CELF4: variants seen among roughly 807,000 people sequenced by gnomAD.
The protein encoded by CELF4 is CUGBP Elav-like family member 4, also known as CUG-BP- and ETR-3-like factor 4.
CELF4 carries 18 observed loss-of-function variants against 59.9 expected under a neutral mutation model. The observed-to-expected ratio is 0.30, with a 90% CI of 0.21 to 0.45. The LOEUF (loss-of-function observed/expected upper bound fraction) is 0.45, where lower values mean the gene tolerates loss of function less well. Among genes scored for constraint, CELF4 ranks in the 20% least tolerant of loss-of-function variants. The pLI is 1.00. For missense variants in CELF4, 456 were observed against 689.0 expected (o/e 0.66, Z 3.79); for synonymous variants, 261 against 267.1 (o/e 0.98, Z 0.22).
chr18:37,463,252 G>A (rs1245476643), intron 2 of CELF4, among the ~76,000 whole-genome samples: 1 of 152,152 alleles, frequency 6.6e-6, no homozygotes, highest in Admixed American at 6.5e-5. Flanking sequence ...TTGTGTGACT[G>A]AGCCTCACAT....
chr18:37,452,939 C>G (rs556428464), intron 2 of CELF4, among the ~76,000 whole-genome samples: 1 of 152,164 alleles, frequency 6.6e-6, no homozygotes, highest in Non-Finnish European at 1.5e-5. Context: ...GGGCTGGTAC[C>G]TCACTGCTCC....
intron 2 of CELF4, among the ~76,000 whole-genome samples, chr18:37,402,879 A>G (rs2099346886): frequency 6.6e-6 from 1 of 152,038 alleles, no homozygotes; most frequent in Non-Finnish European, 1.5e-5. Context: ...TCTTCTGAGG[A>G]GCCTTCCCTG....
intron 1 of CELF4, among the ~76,000 whole-genome samples, chr18:37,530,083 T>C (rs376643519): frequency 6.6e-6 from 1 of 152,150 alleles, no homozygotes; most frequent in East Asian, 1.9e-4. Context: ...ACCCACGCCA[T>C]CCTGCAGAGA....
At chr18:37,494,158 T>C (rs74653921) in intron 1 of CELF4, among the ~76,000 whole-genome samples, 5,822 of 152,326 alleles carry the variant, frequency 0.038, 387 homozygotes, top group African/African-American at 0.13. Flanking sequence ...GTGGGTCCTT[T>C]GCCAAGTGTC....
chr18:37,476,556 CA>C (rs2154602800), intron 2 of CELF4, among the ~76,000 whole-genome samples: 1 of 152,332 alleles, frequency 6.6e-6, no homozygotes, highest in Admixed American at 6.5e-5. Context: ...AGAACAATGC[CA>C]TTTTTTTCTA....
intron 1 of CELF4, among the ~76,000 whole-genome samples, chr18:37,551,351 G>C (rs1416417356): frequency 6.6e-6 from 1 of 152,216 alleles, no homozygotes; most frequent in African/African-American, 2.4e-5. Context: ...CTCTTCCAGA[G>C]ATGGGAGAAG....
At chr18:37,360,937 G>T (rs567549797) in intron 2 of CELF4, among the ~76,000 whole-genome samples, 2 of 152,300 alleles carry the variant, frequency 1.3e-5, no homozygotes, top group South Asian at 4.1e-4. Flanking sequence ...GTCTTTGTGG[G>T]GTTGTCAGGA....
rs1023943050 is a variant in CELF4 at position 37,253,658 on chromosome 18, C to T, written c.*44+109G>A. Reference sequence around the variant, plus strand: ...GAGGAGCAGGTTGAGCCGGGCGCAGCGGGTCCAAGGCACCAGTGAGGGTCC... The same window carrying T: ...GAGGAGCAGGTTGAGCCGGGCGCAGTGGGTCCAAGGCACCAGTGAGGGTCC... On this transcript the variant is annotated intron_variant, in intron 12 of 12. Transcript: ENST00000420428. This position sits in a 1 kb window ranked among gnomAD's most constrained non-coding sequence, Gnocchi z 4.5. 20 of 768,324 alleles carry T rather than the reference C, an allele frequency of 2.6e-5. No homozygotes were observed. In the South Asian group the frequency reaches 3.1e-4, roughly 12 times the overall value. 47.6% of individuals were successfully genotyped at this position (768,324 alleles called of 1,614,324 possible). A position where few individuals can be genotyped will look rare whatever the true frequency, so the allele number is the denominator to read the frequency against.
At chr18:37,278,360 A>G (rs1402641777) in intron 3 of CELF4, among the ~76,000 whole-genome samples, 1 of 152,192 alleles carries the variant, frequency 6.6e-6, no homozygotes, top group East Asian at 1.9e-4. Context: ...GTCTGCTTCT[A>G]GGATCCTCAA....
chr18:37,306,361 A>T (rs1203230324), intron 3 of CELF4: 1 of 152,350 alleles, frequency 6.6e-6, no homozygotes, highest in Non-Finnish European at 1.5e-5. Flanking sequence ...GGCCGGGGGC[A>T]CTGCTCTGCT....
At chr18:37,423,568 GTTC>G (rs545596451) in intron 2 of CELF4, among the ~76,000 whole-genome samples, 53 of 152,304 alleles carry the variant, frequency 3.5e-4, no homozygotes, top group African/African-American at 1.2e-3. Context: ...CTGGCCTGGT[GTTC>G]TTCTTCCAGG....
intron 3 of CELF4, among the ~76,000 whole-genome samples, chr18:37,288,061 C>A (rs530427202): frequency 6.6e-6 from 1 of 152,320 alleles, no homozygotes; most frequent in African/African-American, 2.4e-5. Flanking sequence ...CTGTTCAAGA[C>A]CTATCTTGAA....
intron 2 of CELF4, among the ~76,000 whole-genome samples, chr18:37,408,593 CTTCCCGT>C: frequency 6.7e-6 from 1 of 149,962 alleles, no homozygotes; most frequent in East Asian, 2.0e-4. Flanking sequence ...CTTTATGATT[CTTCCCGT>C]TTCCTAGAAT....
At chr18:37,346,484 G>A (rs116221961) in intron 2 of CELF4, among the ~76,000 whole-genome samples, 1,837 of 152,300 alleles carry the variant, frequency 0.012, 44 homozygotes, top group African/African-American at 0.042. Context: ...GGTTCAGCAA[G>A]CACCTAGTAC....
At chr18:37,430,679 G>A (rs1383031964) in intron 2 of CELF4, among the ~76,000 whole-genome samples, 2 of 152,222 alleles carry the variant, frequency 1.3e-5, no homozygotes, top group South Asian at 2.1e-4. Context: ...AATGGGGGGA[G>A]CACTGAGCAG....
chr18:37,354,160 G>A (rs951001921), intron 2 of CELF4, among the ~76,000 whole-genome samples: 1 of 152,066 alleles, frequency 6.6e-6, no homozygotes, highest in African/African-American at 2.4e-5. Flanking sequence ...ACTATGCTGA[G>A]CACCTGCTGT....
chr18:37,362,311 T>C (rs2098716382), intron 2 of CELF4, among the ~76,000 whole-genome samples: 1 of 152,082 alleles, frequency 6.6e-6, no homozygotes, highest in Non-Finnish European at 1.5e-5. Context: ...CAAATGGCAT[T>C]TAAATGTTAA....
chr18:37,266,182 G>A (rs1383208149), intron 9 of CELF4: 15 of 425,378 alleles, frequency 3.5e-5, no homozygotes, highest in African/African-American at 2.0e-5. Flanking sequence ...GTCCAGCCTC[G>A]CCTGTGGTGC....
chr18:37,540,489 G>A (rs542396258), intron 1 of CELF4, among the ~76,000 whole-genome samples: 90 of 152,336 alleles, frequency 5.9e-4, no homozygotes, highest in Admixed American at 1.4e-3. Context: ...AGAGAAACGA[G>A]CCAGCACGGT....
Sources: gnomAD v4.1 joint callset for allele counts (sites outside exome capture counted in the v4.1 genomes callset) on GRCh38, gnomAD v4.1.1 for gene constraint, Gnocchi (gnomAD v3.1) non-coding constraint, MANE v1.5 for transcripts, NCBI Gene and HGNC (gene_info 2026-07-23, HGNC 2026-07-21) for gene names.